Variants in TOX3 observed in about 807,000 individuals in gnomAD.
TOX3 encodes CAG trinucleotide repeat-containing gene F9 protein.
In TOX3, 22 loss-of-function variants were observed where a neutral mutation model predicts 64.3. That is an observed-to-expected ratio of 0.34 (90% CI 0.24 to 0.49). The LOEUF (loss-of-function observed/expected upper bound fraction) is 0.49. Ranked by LOEUF, TOX3 falls within the 20% of genes least tolerant of loss-of-function variation. TOX3 has a pLI of 0.99. For synonymous variants in TOX3, 291 were observed against 273.6 expected, an observed-to-expected ratio of 1.06 and a Z score of -0.63; for missense variants, 661 against 714.4, an observed-to-expected ratio of 0.93 and a Z score of 0.85.
chr16:52,507,450 A>T (rs1962189152), intron 1 of TOX3, among the ~76,000 whole-genome samples: 1 of 152,200 alleles, frequency 6.6e-6, no homozygotes, highest in Non-Finnish European at 1.5e-5. Flanking sequence ...GGCTTTAAAG[A>T]ACTGCTGCAG....
chr16:52,531,710 A>T (rs533957323), intron 1 of TOX3, among the ~76,000 whole-genome samples: 109 of 152,318 alleles, frequency 7.2e-4, no homozygotes, highest in African/African-American at 2.5e-3. Flanking sequence ...CTGCGAACAC[A>T]TTGCAAGACA....
intron 1 of TOX3, among the ~76,000 whole-genome samples, chr16:52,513,976 C>A (rs1327341199): frequency 6.6e-6 from 1 of 152,068 alleles, no homozygotes; most frequent in East Asian, 1.9e-4. Context: ...TGACAGAAAC[C>A]TTGGCTTGGA....
At chr16:52,523,943 G>A (rs1962668253) in intron 1 of TOX3, among the ~76,000 whole-genome samples, 1 of 151,894 alleles carries the variant, frequency 6.6e-6, no homozygotes, top group Non-Finnish European at 1.5e-5. Context: ...TTTTTCCCTG[G>A]AAGAATAAAA....
chr16:52,541,597 C>A (rs1029798885), intron 1 of TOX3, among the ~76,000 whole-genome samples: 17 of 152,270 alleles, frequency 1.1e-4, no homozygotes, highest in Admixed American at 3.3e-4. Context: ...TAATACTCTG[C>A]AGATTAAACA....
At chr16:52,522,183 T>C (rs1596856196) in intron 1 of TOX3, among the ~76,000 whole-genome samples, 1 of 152,276 alleles carries the variant, frequency 6.6e-6, no homozygotes, top group East Asian at 1.9e-4. Context: ...TTTCTCCAAA[T>C]AATAAAGACA....
chr16:52,451,790 C>T (rs914188949), intron 3 of TOX3, among the ~76,000 whole-genome samples: 2 of 152,158 alleles, frequency 1.3e-5, no homozygotes, highest in South Asian at 2.1e-4. Context: ...TCTACCCATA[C>T]GTCAAAGTGT....
At chr16:52,458,497 A>G (rs1484789472) in intron 3 of TOX3, among the ~76,000 whole-genome samples, 3 of 152,242 alleles carry the variant, frequency 2.0e-5, no homozygotes, top group African/African-American at 7.2e-5. Flanking sequence ...TCTCTGAACC[A>G]TCACTAAGTA....
chr16:52,464,015 T>C lies in TOX3; in HGVS notation c.327A>G (p.Gln109=), dbSNP rs769451843. ...TTGTAATGGAAGGGAGGTCCAGGCTTTGAGGGGGAAACTGGGGTGTGAATT... is the reference window on the plus strand; with the variant it reads ...TTGTAATGGAAGGGAGGTCCAGGCTCTGAGGGGGAAACTGGGGTGTGAATT... The part of the protein sequence containing the change: ...GSEFTPQFPP[Q]SLDLPSITIS... The change falls in exon 3 of 7, where the codon CAA becomes CAG. Residue 109 remains glutamine (Q), a synonymous_variant. Transcript: ENST00000219746. 13 of 1,599,178 alleles carry C rather than the reference T, an allele frequency of 8.1e-6. No homozygotes were observed. In the Admixed American group the frequency reaches 8.7e-5, roughly 11 times the overall value.
intron 1 of TOX3, among the ~76,000 whole-genome samples, chr16:52,493,276 T>G: frequency 6.6e-6 from 1 of 152,286 alleles, no homozygotes; most frequent in East Asian, 1.9e-4. Flanking sequence ...TATACCTATA[T>G]GCATAGCCAC....
intron 1 of TOX3, among the ~76,000 whole-genome samples, chr16:52,532,995 G>A (rs1032212106): frequency 4.6e-5 from 7 of 152,182 alleles, no homozygotes; most frequent in East Asian, 1.9e-4. Context: ...GGCAGAGCTC[G>A]CTGGAGAAGA....
At chr16:52,511,962 C>A (rs1246469492) in intron 1 of TOX3, among the ~76,000 whole-genome samples, 2 of 152,134 alleles carry the variant, frequency 1.3e-5, no homozygotes, top group African/African-American at 4.8e-5. Context: ...ACACAGAGGG[C>A]AAGAGAACTT....
intron 2 of TOX3, among the ~76,000 whole-genome samples, chr16:52,467,006 A>T (rs1329089225): frequency 6.6e-6 from 1 of 152,164 alleles, no homozygotes; most frequent in Non-Finnish European, 1.5e-5. Flanking sequence ...TTACGTGATT[A>T]TTTTTTTACA....
intron 1 of TOX3, among the ~76,000 whole-genome samples, chr16:52,533,275 C>T (rs562432122): frequency 6.6e-6 from 1 of 152,304 alleles, no homozygotes; most frequent in Admixed American, 6.5e-5. Context: ...CTCTCAGGCC[C>T]ACCCCAGACC....
rs146046759 is a variant in TOX3, at chr16:52,439,652, G to A, written c.1304C>T (p.Ser435Leu). 3.2e-3 allele frequency: 5,089 copies of A among 1,613,818 alleles called. 8 individuals are homozygous for A. Among genetic ancestry groups the A allele is most frequent in the Non-Finnish European group, 3.5e-3 (4,172 of 1,179,768 alleles). ...CATCTGATGCTGCTGGGTTTGCACC[G>A]AAGGACTCACTTGGGTGGAGGGTGC... is the stretch of plus-strand genomic sequence containing the variant. ...GSAPSTQVSPSVQTQQHQMQL... is the reference protein window; with the variant it reads ...GSAPSTQVSPLVQTQQHQMQL... Residue 435 changes from serine to leucine, a missense_variant, in exon 7 of 7, where the codon TCG becomes TTG. Physicochemically the swap from Ser to Leu is moderately radical, Grantham distance 145 (BLOSUM62 -2). Coordinates refer to ENST00000219746, the MANE Select transcript of TOX3 (RefSeq NM_001080430.4).
intron 3 of TOX3, among the ~76,000 whole-genome samples, chr16:52,460,622 C>T (rs1177697413): frequency 6.6e-6 from 1 of 152,122 alleles, no homozygotes; most frequent in East Asian, 1.9e-4. Context: ...TTTTATCAGT[C>T]CCCTGCACAT....
At chr16:52,460,489 A>G (rs1960656728) in intron 3 of TOX3, among the ~76,000 whole-genome samples, 2 of 152,214 alleles carry the variant, frequency 1.3e-5, no homozygotes, top group African/African-American at 2.4e-5. Flanking sequence ...TCATTCAATC[A>G]GCACTACTGC....
At position 52,437,789 on chromosome 16, in the gene TOX3, T is replaced by TAAAAAAAAAAAAA. The variant is rs67145443; in HGVS notation, c.*1423_*1435dup. 9.0e-6 allele frequency among the ~76,000 whole-genome samples: 1 copy of TAAAAAAAAAAAAA among 111,368 alleles called. No homozygotes were observed. The highest frequency in any genetic ancestry group is 1.8e-5 in the Non-Finnish European group (1 of 54,784). 73.1% of individuals were successfully genotyped at this position (111,368 alleles called of 152,430 possible). ...CTATACTTACCTTGTACTTGCATCTTAAAAAAAAAAAAAAAAAAAAAAAAG... is the reference window on the plus strand; with the variant it reads ...CTATACTTACCTTGTACTTGCATCTTAAAAAAAAAAAAAAAAAAAAAAAAAAAAAAAAAAAAAG... On this transcript the variant is annotated 3_prime_UTR_variant, in exon 7 of 7. Coordinates refer to ENST00000219746, the MANE Select transcript of TOX3 (RefSeq NM_001080430.4).
intron 3 of TOX3, among the ~76,000 whole-genome samples, chr16:52,463,041 A>G (rs1024180960): frequency 6.6e-6 from 1 of 152,190 alleles, no homozygotes; most frequent in African/African-American, 2.4e-5. Flanking sequence ...AATGAAGCCA[A>G]TAAACATCAC....
At chr16:52,453,726 T>C (rs539444925) in intron 3 of TOX3, among the ~76,000 whole-genome samples, 1 of 152,306 alleles carries the variant, frequency 6.6e-6, no homozygotes, top group Non-Finnish European at 1.5e-5. Context: ...GGTGCTCGAT[T>C]GACTCACCCC....
Sources: gnomAD v4.1 joint callset for allele counts (sites outside exome capture counted in the v4.1 genomes callset) on GRCh38, gnomAD v4.1.1 for gene constraint, MANE v1.5 for transcripts, NCBI Gene and HGNC (gene_info 2026-07-23, HGNC 2026-07-21) for gene names.